SEC23IP: variants seen among roughly 807,000 people sequenced by gnomAD.
SEC23IP encodes SEC23-interacting protein.
A neutral mutation model predicts 113.4 loss-of-function variants in SEC23IP; 70 were observed. The observed-to-expected ratio is 0.62, with a 90% CI of 0.51 to 0.75. SEC23IP has a LOEUF of 0.75. Ranked by LOEUF, SEC23IP falls within the 30% of genes least tolerant of loss-of-function variation. SEC23IP has a pLI of 0.00. For synonymous variants in SEC23IP, 398 were observed against 421.0 expected (o/e 0.95, Z 0.67); for missense variants, 1,160 against 1,204.9 (o/e 0.96, Z 0.55).
intron 12 of SEC23IP, among the ~76,000 whole-genome samples, chr10:119,923,402 G>C (rs186541869): frequency 6.6e-6 from 1 of 151,642 alleles, no homozygotes; most frequent in African/African-American, 2.4e-5. Context: ...CAAAATTAGC[G>C]ATTATTTTAT....
In SEC23IP at chr10:119,929,749, A is replaced by G. The variant is rs1855532931; in HGVS notation, c.2456A>G (p.Asn819Ser). 2.5e-6 allele frequency: 4 copies of G among 1,587,452 alleles called. No homozygotes were observed. Among genetic ancestry groups the G allele is most frequent in the South Asian group, 2.3e-5 (2 of 88,058 alleles). Reference sequence around the variant, plus strand: ...CTTCCTACCTGTAAAGGGTTCTTCAATATTTATCATCCGGTGAGTAATTGA... The same window carrying G: ...CTTCCTACCTGTAAAGGGTTCTTCAGTATTTATCATCCGGTGAGTAATTGA... ...YSLPTCKGFF[N>S]IYHPLDPVAY... The change falls in exon 14 of 19, where the codon AAT (asparagine) becomes AGT (serine). Residue 819 changes from asparagine to serine, a missense_variant. Physicochemically the swap from Asn to Ser is conservative, Grantham distance 46 (BLOSUM62 1). Transcript: ENST00000369075.
intron 18 of SEC23IP, among the ~76,000 whole-genome samples, chr10:119,940,247 G>GCGT (rs954979142): frequency 4.0e-5 from 6 of 150,446 alleles, no homozygotes; most frequent in Admixed American, 1.3e-4. Context: ...GAGTGCAGTG[G>GCGT]CGTCATCTTG....
chr10:119,897,807 G>A (rs1854326046), intron 1 of SEC23IP, among the ~76,000 whole-genome samples: 1 of 151,780 alleles, frequency 6.6e-6, no homozygotes, highest in East Asian at 1.9e-4. Flanking sequence ...AGACCAGCCT[G>A]GTCAACATGG....
rs770728631 is a variant in SEC23IP, at chr10:119,898,420, A to G, written c.164-7A>G. On this transcript the variant is annotated splice_polypyrimidine_tract_variant and splice_region_variant and intron_variant, in intron 1 of 18. Coordinates refer to ENST00000369075, the MANE Select transcript of SEC23IP (RefSeq NM_007190.4). ...TTTAAACCACATGCTCTCCTGTTCC[A>G]TTTCAGAGGATTCCACAGATGTTGG... is the stretch of plus-strand genomic sequence containing the variant. 1.9e-6 allele frequency: 3 copies of G among 1,605,688 alleles called. No homozygotes were observed. The highest frequency in any genetic ancestry group is 2.6e-6 in the Non-Finnish European group (3 of 1,175,324).
chr10:119,901,037 TA>T (rs1854476996), intron 2 of SEC23IP, among the ~76,000 whole-genome samples: 2 of 70,032 alleles, frequency 2.9e-5, no homozygotes, highest in Non-Finnish European at 5.3e-5. Flanking sequence ...TTTTTTTTTT[TA>T]AAGAGTGGGG....
chr10:119,939,244 G>A (rs1384836270), intron 18 of SEC23IP, among the ~76,000 whole-genome samples: 5 of 152,142 alleles, frequency 3.3e-5, no homozygotes, highest in South Asian at 4.2e-4. Context: ...GCTGGAGTTC[G>A]GGAGATTGAG....
intron 1 of SEC23IP, among the ~76,000 whole-genome samples, chr10:119,897,212 C>T (rs1442290753): frequency 6.6e-6 from 1 of 152,054 alleles, no homozygotes; most frequent in Non-Finnish European, 1.5e-5. Flanking sequence ...GAGGCAGGAG[C>T]AGGGAAGATT....
chr10:119,915,214 A>G (rs534720592), intron 7 of SEC23IP, among the ~76,000 whole-genome samples: 6 of 152,362 alleles, frequency 3.9e-5, no homozygotes, highest in African/African-American at 9.6e-5. Flanking sequence ...CCATGTAATA[A>G]TAGTTCGTAT....
intron 5 of SEC23IP, among the ~76,000 whole-genome samples, 158 bp from the exon 6 acceptor site, chr10:119,911,886 T>TA (rs1199223358): frequency 6.6e-6 from 1 of 152,240 alleles, no homozygotes; most frequent in Non-Finnish European, 1.5e-5. Context: ...TAATGAACAC[T>TA]AGCAAGACTC....
intron 10 of SEC23IP, among the ~76,000 whole-genome samples, chr10:119,918,907 G>T (rs1332707239): frequency 1.3e-5 from 2 of 151,970 alleles, no homozygotes; most frequent in Non-Finnish European, 2.9e-5. Context: ...AAATTTAAAT[G>T]TGAAAGTTTG....
At chr10:119,898,353 C>T (rs1435296652) in intron 1 of SEC23IP, 74 bp from the exon 2 acceptor site, 3 of 1,452,888 alleles carry the variant, frequency 2.1e-6, no homozygotes, top group Admixed American at 2.6e-5. Flanking sequence ...TAATTGCTAG[C>T]CCTTCCTTAT....
At position 119,929,509 on chromosome 10, in the gene SEC23IP, C is replaced by T. The variant is rs1033944834; in HGVS notation, c.2314-98C>T. On this transcript the variant is annotated intron_variant, in intron 13 of 18. Transcript: ENST00000369075. ...TTGGCCTCCCAAAGTGCTGGGATTACAGGCATGAGCCACCACGCCCGGCCT... is the reference window on the plus strand; with the variant it reads ...TTGGCCTCCCAAAGTGCTGGGATTATAGGCATGAGCCACCACGCCCGGCCT... 20 of 978,058 alleles carry T rather than the reference C, an allele frequency of 2.0e-5. No homozygotes were observed. The African/African-American group carries it at 3.1e-4, about 15-fold the overall frequency. 60.6% of individuals were successfully genotyped at this position (978,058 alleles called of 1,614,324 possible).
At chr10:119,935,326 T>C (rs1252203876) in intron 18 of SEC23IP, among the ~76,000 whole-genome samples, 1 of 152,024 alleles carries the variant, frequency 6.6e-6, no homozygotes, top group African/African-American at 2.4e-5. Context: ...CCGGGCATGG[T>C]AGTAGGTGCC....
chr10:119,898,493 C>T lies in SEC23IP; in HGVS notation c.230C>T (p.Pro77Leu). ...CAGACTTCTATTCACACATCTGCCC[C>T]ACAGACATTTAGTTACTTCTCTCAG... ...LGQTSIHTSA[P>L]QTFSYFSQVS... is the part of the protein sequence containing the mutation. The change falls in exon 2 of 19, where the codon CCA (proline) becomes CTA (leucine). Residue 77 changes from proline (P) to leucine (L), a missense_variant. Pro to Leu is a moderately conservative substitution (Grantham distance 98). Coordinates refer to ENST00000369075, the MANE Select transcript of SEC23IP (RefSeq NM_007190.4). The T allele has an allele frequency of 6.2e-7, 1 of 1,614,096 alleles. No individual in the cohort carries two copies.
At chr10:119,909,515 G>A (rs1854789789) in intron 5 of SEC23IP, among the ~76,000 whole-genome samples, 1 of 152,166 alleles carries the variant, frequency 6.6e-6, no homozygotes, top group South Asian at 2.1e-4. Context: ...GAGCCCGAGA[G>A]GTTGAGGCTG....
At chr10:119,915,297 G>T (rs1170077600) in intron 7 of SEC23IP, among the ~76,000 whole-genome samples, 1 of 152,068 alleles carries the variant, frequency 6.6e-6, no homozygotes, top group Non-Finnish European at 1.5e-5. Flanking sequence ...AACCTTTGGG[G>T]TATAGGCGCT....
At chr10:119,926,605 A>G (rs1351070620) in intron 13 of SEC23IP, among the ~76,000 whole-genome samples, 1 of 152,214 alleles carries the variant, frequency 6.6e-6, no homozygotes, top group African/African-American at 2.4e-5. Context: ...CCTAGTACTC[A>G]TAATTCTTCC....
chr10:119,911,980 A>G, intron 5 of SEC23IP, 64 bp from the exon 6 acceptor site: 2 of 1,595,010 alleles, frequency 1.3e-6, no homozygotes, highest in Non-Finnish European at 1.7e-6. Flanking sequence ...GTGTTAAACT[A>G]CTTAGCCTGT....
Position 119,898,922 on chromosome 10 carries a change from T to A in SEC23IP, c.659T>A (p.Val220Asp). The stretch of plus-strand genomic sequence containing the variant: ...CATCCTCCACCTTCTGGACCCCCTG[T>A]TCAGATGTACCAGATGCCTCCAGGA... ...PAHPPPSGPP[V>D]QMYQMPPGSL... is the part of the protein sequence containing the mutation. The change falls in exon 2 of 19, where the codon GTT (valine) becomes GAT (aspartate). Residue 220 changes from valine to aspartate, a missense_variant. By Grantham distance (152) the Val-to-Asp change is radical. Transcript: ENST00000369075. 6.3e-7 allele frequency: 1 copy of A among 1,599,626 alleles called. No individual in the cohort carries two copies. The highest frequency in any genetic ancestry group is 8.5e-7 in the Non-Finnish European group (1 of 1,178,762).
Sources: gnomAD v4.1 joint callset for allele counts (sites outside exome capture counted in the v4.1 genomes callset) on GRCh38, gnomAD v4.1.1 for gene constraint, MANE v1.5 for transcripts, NCBI Gene and HGNC (gene_info 2026-07-23, HGNC 2026-07-21) for gene names.